KLHL13: variants seen among roughly 807,000 people sequenced by gnomAD.
KLHL13 encodes the protein kelch-like protein 13.
In KLHL13, 10 loss-of-function variants were observed where a neutral mutation model predicts 37.1. That is an observed-to-expected ratio of 0.27 (90% confidence interval 0.17 to 0.46). KLHL13 has a LOEUF of 0.46. Ranked by LOEUF, KLHL13 falls within the 20% of genes least tolerant of loss-of-function variation. The probability of loss-of-function intolerance (pLI) is 1.00; values close to 1 mark genes in which losing one functional copy is unlikely to be tolerated. For missense variants in KLHL13, 360 were observed against 509.3 expected (o/e 0.71, Z 2.82); for synonymous variants, 163 against 181.2 (o/e 0.90, Z 0.81).
chrX:117,945,992 T>C (rs1246044402), intron 1 of KLHL13: 1 of 114,527 alleles, frequency 8.7e-6, no homozygotes, highest in African/African-American at 3.2e-5. Flanking sequence ...ATATAGCAGG[T>C]ACTTGCCAAT....
chrX:118,075,164 A>G (rs1354268778), intron 1 of KLHL13, among the ~76,000 whole-genome samples: 2 of 111,730 alleles, frequency 1.8e-5, no homozygotes, highest in Non-Finnish European at 3.8e-5. Context: ...CGGAGTGGGC[A>G]TTCCAGGCAG....
intron 1 of KLHL13, among the ~76,000 whole-genome samples, chrX:118,047,779 C>T (rs1459513386): frequency 9.0e-6 from 1 of 111,492 alleles, no homozygotes; most frequent in Non-Finnish European, 1.9e-5. Flanking sequence ...GAGATGTTTA[C>T]TTTTAATCCT....
intron 1 of KLHL13, among the ~76,000 whole-genome samples, chrX:117,980,355 T>C (rs1223475205): frequency 1.8e-5 from 2 of 112,025 alleles, no homozygotes; most frequent in Non-Finnish European, 3.8e-5. Context: ...AAAGTCTGAA[T>C]TTCTGAAAGA....
At chrX:118,061,981 T>C (rs1403700232) in intron 1 of KLHL13, among the ~76,000 whole-genome samples, 1 of 111,418 alleles carries the variant, frequency 9.0e-6, no homozygotes, top group Non-Finnish European at 1.9e-5. Flanking sequence ...CTTTTTGGTA[T>C]AGAGACATCT....
chrX:118,024,825 T>A (rs2148018232), intron 1 of KLHL13, among the ~76,000 whole-genome samples: 1 of 112,138 alleles, frequency 8.9e-6, no homozygotes, highest in Non-Finnish European at 1.9e-5. Flanking sequence ...CTACAAATGT[T>A]AAACAACAGT....
At chrX:117,967,331 T>C (rs1464387878) in intron 1 of KLHL13, among the ~76,000 whole-genome samples, 1 of 111,841 alleles carries the variant, frequency 8.9e-6, no homozygotes, top group Non-Finnish European at 1.9e-5. Flanking sequence ...TTTTATCATG[T>C]ATGTTGTTTG....
intron 2 of KLHL13, among the ~76,000 whole-genome samples, chrX:117,936,634 G>A (rs147819954): frequency 0.091 from 10,072 of 110,299 alleles, 434 homozygotes; most frequent in African/African-American, 0.16. Context: ...TCACTGTTCT[G>A]CTCTGTCTAG....
chrX:117,975,930 C>T (rs746370227), upstream of KLHL13, among the ~76,000 whole-genome samples: 1 of 111,569 alleles, frequency 9.0e-6, no homozygotes, highest in South Asian at 3.8e-4. Flanking sequence ...TATTATTCTT[C>T]TATAAACAAT....
chrX:118,093,576 T>C (rs949835916), intron 1 of KLHL13, among the ~76,000 whole-genome samples: 1 of 112,042 alleles, frequency 8.9e-6, no homozygotes, highest in Non-Finnish European at 1.9e-5. Flanking sequence ...ACGATTCCTA[T>C]TACATGCTAC....
chrX:118,112,524 T>G (rs2055423210), intron 1 of KLHL13, among the ~76,000 whole-genome samples: 2 of 111,973 alleles, frequency 1.8e-5, no homozygotes, highest in African/African-American at 6.5e-5. Context: ...AAGCACCCAC[T>G]GTGCACGTAC....
Position 117,955,909 on chromosome X carries a change from C to T in KLHL13, c.99-10334G>A, listed in dbSNP as rs148122347. ...AAAAAGTCTTCACTGTTACTTACAG[C>T]CCACTCACCTATCTACATATTCACA... On this transcript the variant is annotated intron_variant, in intron 1 of 6. Transcript: ENST00000262820. 4.2e-3 allele frequency among the ~76,000 whole-genome samples: 464 copies of T among 111,533 alleles called. 1 individual carries two copies. The highest frequency in any genetic ancestry group is 0.014 in the African/African-American group (445 of 30,730).
chrX:118,066,111 T>C (rs779735561), intron 1 of KLHL13, among the ~76,000 whole-genome samples: 18 of 112,145 alleles, frequency 1.6e-4, no homozygotes, highest in East Asian at 5.6e-4. Flanking sequence ...TTCAGGAAGA[T>C]AGTTAAGCCA....
intron 1 of KLHL13, among the ~76,000 whole-genome samples, chrX:117,972,452 TATTAAAGTTA>T (rs1237677739): frequency 8.9e-6 from 1 of 112,992 alleles, no homozygotes; most frequent in African/African-American, 3.2e-5. Context: ...ATATGTTAAA[TATTAAAGTTA>T]ATTCTTTTGC....
intron 1 of KLHL13, chrX:117,985,275 C>A: frequency 3.5e-6 from 4 of 1,144,088 alleles, no homozygotes; most frequent in Non-Finnish European, 4.6e-6. Context: ...TTTGAACTCT[C>A]ATCATTTGTC....
intron 1 of KLHL13, among the ~76,000 whole-genome samples, chrX:118,094,072 C>A (rs1268457376): frequency 9.2e-6 from 1 of 109,162 alleles, no homozygotes; most frequent in Non-Finnish European, 1.9e-5. Context: ...GACGATCAAA[C>A]TACTCTGAGC....
chrX:118,019,584 T>C (rs746162936), intron 1 of KLHL13, among the ~76,000 whole-genome samples: 361 of 111,524 alleles, frequency 3.2e-3, no homozygotes, highest in Non-Finnish European at 6.1e-3. Flanking sequence ...ATGTTCTGAA[T>C]GGTATTGCCT....
intron 1 of KLHL13, among the ~76,000 whole-genome samples, chrX:117,972,424 A>G (rs1384637808): frequency 8.9e-6 from 1 of 112,792 alleles, no homozygotes; most frequent in Admixed American, 9.4e-5. Context: ...GATATTCAAA[A>G]ATTCAAACAA....
chrX:117,996,851 A>G (rs1289262981), intron 1 of KLHL13, among the ~76,000 whole-genome samples: 1 of 110,160 alleles, frequency 9.1e-6, no homozygotes, highest in Non-Finnish European at 1.9e-5. Context: ...AAAAAGCTAC[A>G]TGTGCTATGC....
intron 1 of KLHL13, among the ~76,000 whole-genome samples, chrX:118,089,608 G>GAGAAAGAA (rs1556002522): frequency 0.03 from 1,749 of 58,989 alleles, 21 homozygotes; most frequent in Middle Eastern, 0.04. Context: ...GAGAGAGAGA[G>GAGAAAGAA]AGAGAAAGAA....
Sources: gnomAD v4.1 joint callset for allele counts (sites outside exome capture counted in the v4.1 genomes callset) on GRCh38, gnomAD v4.1.1 for gene constraint, MANE v1.5 for transcripts, NCBI Gene and HGNC (gene_info 2026-07-23, HGNC 2026-07-21) for gene names.